The following SPG7 variants were observed in gnomAD, a reference collection of about 807,000 sequenced individuals.
The protein encoded by SPG7 is SPG7 matrix AAA peptidase subunit, paraplegin.
Under a neutral mutation model 81.9 loss-of-function variants are expected in SPG7, and 103 were observed. The observed-to-expected ratio is 1.26, with a 90% confidence interval of 1.07 to 1.48. SPG7 has a LOEUF of 1.48. Among genes scored for constraint, SPG7 ranks in the 40% most tolerant of loss-of-function variants. The pLI is 0.00. For synonymous variants in SPG7, 534 were observed against 444.2 expected, an observed-to-expected ratio of 1.20 and a Z score of -2.54; for missense variants, 1,241 against 1,087.3, an observed-to-expected ratio of 1.14 and a Z score of -1.99.
intron 16 of SPG7, 76 bp downstream of exon 16, chr16:89,554,639 G>A (rs1212935021): frequency 9.2e-6 from 9 of 977,830 alleles, no homozygotes; most frequent in African/African-American, 1.6e-5. Context: ...CACCCCTCTC[G>A]TGAAGTATTT....
chr16:89,553,550 T>C (rs2058657862), intron 14 of SPG7: 2 of 565,908 alleles, frequency 3.5e-6, no homozygotes, highest in South Asian at 4.1e-5. Context: ...TGCCATGCAG[T>C]GAGCTCCAGT....
intron 12 of SPG7, chr16:89,549,273 A>C (rs779162495): frequency 2.2e-6 from 1 of 456,506 alleles, no homozygotes; most frequent in South Asian, 1.6e-5. Context: ...AGCTGATTCA[A>C]GTTGTACAGA....
chr16:89,526,247 TC>T, intron 4 of SPG7, 81 bp from the exon 5 acceptor site: 1 of 1,533,144 alleles, frequency 6.5e-7, no homozygotes, highest in Non-Finnish European at 9.0e-7. Flanking sequence ...TACCATGAGT[TC>T]CAGGCGGGCT....
At chr16:89,537,289 C>CT (rs2058438391) in intron 9 of SPG7, 1 of 1,297,896 alleles carries the variant, frequency 7.7e-7, no homozygotes. Context: ...CCCAGAGCCC[C>CT]CGGGAAGGGC....
intron 11 of SPG7, chr16:89,547,353 T>C (rs936439126): frequency 5.5e-6 from 1 of 180,484 alleles, no homozygotes; most frequent in African/African-American, 2.4e-5. Context: ...CAAGATGGGG[T>C]GTGGAACTAA....
chr16:89,526,302 T>G, intron 4 of SPG7, 27 bp from the exon 5 acceptor site: 1 of 1,613,682 alleles, frequency 6.2e-7, no homozygotes, highest in South Asian at 1.1e-5. Flanking sequence ...GCGTTTCTCA[T>G]GGTCCCCTCT....
At position 89,530,763 on chromosome 16, in the gene SPG7, G is replaced by A. The variant is rs780596661; in HGVS notation, c.942G>A (p.Met314Ile). Residue 314 changes from methionine to isoleucine, a missense_variant, in exon 7 of 17, where the codon ATG becomes ATA. By Grantham distance (10) the Met-to-Ile change is conservative. Transcript: ENST00000645818. ...TCAGCTTCAAAGACGTGGCAGGAAT[G>A]CACGAAGCCAAACTGGAAGTCCGCG... ...KGVSFKDVAGMHEAKLEVREF... is the reference protein window; with the variant it reads ...KGVSFKDVAGIHEAKLEVREF... The A allele has an allele frequency of 5.0e-6, 8 of 1,614,208 alleles. No individual in the cohort carries two copies. The highest frequency in any genetic ancestry group is 6.8e-6 in the Non-Finnish European group (8 of 1,180,046).
At chr16:89,538,000 G>C (rs774077836) in intron 9 of SPG7, 1 of 154,570 alleles carries the variant, frequency 6.5e-6, no homozygotes, top group Admixed American at 6.5e-5. Context: ...GACTGCCCCT[G>C]TACTTCCCTG....
chr16:89,556,238 C>T (rs896685172), intron 16 of SPG7: 1 of 399,568 alleles, frequency 2.5e-6, no homozygotes, highest in African/African-American at 2.1e-5. Flanking sequence ...ACAGGTAAAT[C>T]ACCCTAGCTT....
intron 9 of SPG7, chr16:89,540,746 T>C (rs2058483959): frequency 3.5e-6 from 1 of 288,376 alleles, no homozygotes; most frequent in African/African-American, 2.3e-5. Flanking sequence ...GTGCTCACCA[T>C]GTGACCCCGT....
chr16:89,549,084 T>C (rs1264564395), intron 12 of SPG7: 1 of 456,354 alleles, frequency 2.2e-6, no homozygotes, highest in Non-Finnish European at 4.4e-6. Flanking sequence ...CCGACAGCCC[T>C]GCGGGTCGAG....
chr16:89,544,498 G>A, intron 9 of SPG7, 150 bp from the exon 10 acceptor site: 2 of 869,710 alleles, frequency 2.3e-6, no homozygotes, highest in Admixed American at 1.9e-5. Flanking sequence ...GGGGATCGCG[G>A]CTCCTAGTTC....
rs986640826 is a variant in SPG7 at position 89,529,898 on chromosome 16, C to T, written c.861+319C>T. ...CTTCTTGCCCAGGCTGGAGTGCAGC[C>T]GTGCGATCTCAGCTCACCGCAACTT... On this transcript the variant is annotated intron_variant, in intron 6 of 16. Coordinates refer to ENST00000645818, the MANE Select transcript of SPG7 (RefSeq NM_003119.4). 18 of 380,716 alleles carry T rather than the reference C, an allele frequency of 4.7e-5. No homozygotes were observed. The Middle Eastern group carries it at 4.4e-3, about 93-fold the overall frequency. 23.6% of individuals were successfully genotyped at this position (380,716 alleles called of 1,614,324 possible). A position where few individuals can be genotyped will look rare whatever the true frequency, so the allele number is the denominator to read the frequency against.
intron 9 of SPG7, chr16:89,533,825 T>C (rs971354839): frequency 9.9e-5 from 15 of 152,128 alleles, no homozygotes; most frequent in African/African-American, 3.6e-4. Flanking sequence ...ATTTTTTTTA[T>C]GTGGATATTG....
chr16:89,548,181 G>A, intron 12 of SPG7, 68 bp downstream of exon 12: 2 of 1,070,332 alleles, frequency 1.9e-6, no homozygotes, highest in East Asian at 2.4e-5. Flanking sequence ...TACCCAGGCA[G>A]GTATTGAGAG....
chr16:89,540,326 C>G (rs950591789), intron 9 of SPG7: 1 of 152,270 alleles, frequency 6.6e-6, no homozygotes, highest in Middle Eastern at 3.4e-3. Flanking sequence ...CTGGGCCATA[C>G]GTGTGATCCC....
At chr16:89,549,015 C>A (rs1421654708) in intron 12 of SPG7, 8 of 456,054 alleles carry the variant, frequency 1.8e-5, no homozygotes, top group Non-Finnish European at 4.4e-6. Context: ...GCAGTGGGTT[C>A]CTGCAGAGGA....
At chr16:89,524,527 T>G (rs1242678368) in intron 4 of SPG7, among the ~76,000 whole-genome samples, 2 of 152,196 alleles carry the variant, frequency 1.3e-5, no homozygotes, top group Non-Finnish European at 2.9e-5. Flanking sequence ...CACTGCAACA[T>G]CTGCCTCCCG....
At chr16:89,532,321 C>A in intron 8 of SPG7, 142 bp from the exon 9 acceptor site, 1 of 1,114,954 alleles carries the variant, frequency 9.0e-7, no homozygotes, top group Non-Finnish European at 1.3e-6. Flanking sequence ...CCCCCGCGAG[C>A]AGCTGCCGTG....
Sources: gnomAD v4.1 joint callset for allele counts (sites outside exome capture counted in the v4.1 genomes callset) on GRCh38, gnomAD v4.1.1 for gene constraint, MANE v1.5 for transcripts, NCBI Gene and HGNC (gene_info 2026-07-23, HGNC 2026-07-21) for gene names.